TTN: variants seen among roughly 807,000 people sequenced by gnomAD.
The protein encoded by TTN is titin.
A neutral mutation model predicts 3,223.0 loss-of-function variants in TTN; 1,525 were observed. That is an observed-to-expected ratio of 0.47 (90% CI 0.45 to 0.49). The LOEUF is 0.49. TTN is among the 20% of genes least tolerant of loss of function. The probability of loss-of-function intolerance (pLI) is 0.00; values close to 1 mark genes in which losing one functional copy is unlikely to be tolerated. For synonymous variants in TTN, 14,094 were observed against 15,161.0 expected, an observed-to-expected ratio of 0.93 and a Z score of 5.17; for missense variants, 40,786 against 43,424.0, an observed-to-expected ratio of 0.94 and a Z score of 5.40.
chr2:178,639,988 A>C (rs1435327836), intron 222 of TTN, 60 bp downstream of exon 222: 1 of 1,577,330 alleles, frequency 6.3e-7, no homozygotes, highest in East Asian at 2.2e-5. Context: ...TATTAAGTAC[A>C]TGTTATGTGT....
Position 178,634,879 on chromosome 2 carries a change from G to T in TTN, c.42025-30C>A. On this transcript the variant is annotated intron_variant, in intron 228 of 362. Transcript: ENST00000589042. This position sits in a 1 kb window ranked among gnomAD's most constrained non-coding sequence, Gnocchi z 4.6. ...AAAACAATAGTTTTAGTAACCATTT[G>T]AAAGAGATAAATTCCCTATAGGAGA... 5.0e-6 allele frequency: 8 copies of T among 1,594,552 alleles called. No individual in the cohort carries two copies. The highest frequency in any genetic ancestry group is 2.3e-5 in the South Asian group (2 of 86,912).
chr2:178,751,724 T>C (rs1347405774), intron 47 of TTN: 2 of 1,613,220 alleles, frequency 1.2e-6, no homozygotes, highest in Non-Finnish European at 1.7e-6. Context: ...AGAGTGATGG[T>C]GTAAATCACT....
chr2:178,559,672 A>G lies in TTN; in HGVS notation c.86460T>C (p.Ser28820=). Residue 28820 remains serine (S), a synonymous_variant, in exon 326 of 363, where the codon TCT becomes TCC. Transcript: ENST00000589042. ...TCTGAATTGTTAATGTGTACTTTCC[A>G]GAGTCATTTCTGTTGGCATTTTCAA... ...LTIENANRND[S]GKYTLTIQNV... 3 of 1,611,974 alleles carry G rather than the reference A, an allele frequency of 1.9e-6. No homozygotes were observed. The highest frequency in any genetic ancestry group is 1.3e-5 in the African/African-American group (1 of 74,982).
Position 178,538,567 on chromosome 2 carries a change from CA to C in TTN, c.99261del (p.Ala33088LeufsTer4). On this transcript the variant is annotated frameshift_variant, in exon 354 of 363. Coordinates refer to ENST00000589042, the MANE Select transcript of TTN (RefSeq NM_001267550.2). LOFTEE classifies it high-confidence loss of function. Reference sequence around the variant, plus strand: ...GTGAGTTTAGTCTTTATAGACATAGCAGTTCTGCGAGGTCTGCTCAGCCCAG... The same window carrying C: ...GTGAGTTTAGTCTTTATAGACATAGCGTTCTGCGAGGTCTGCTCAGCCCAG... ...NETGLSRPRR[T>X]AMSIKTKLTS... The C allele has an allele frequency of 6.2e-7, 1 of 1,612,896 alleles. No individual in the cohort carries two copies. The highest frequency in any genetic ancestry group is 8.5e-7 in the Non-Finnish European group (1 of 1,179,346).
chr2:178,559,660 T>C lies in TTN; in HGVS notation c.86472A>G (p.Thr28824=), dbSNP rs150043331. Residue 28824 remains threonine (T), a synonymous_variant, in exon 326 of 363, where the codon ACA becomes ACG. Transcript: ENST00000589042. ...NANRNDSGKY[T]LTIQNVLSAA... ...CACTCAAAACATTCTGAATTGTTAA[T>C]GTGTACTTTCCAGAGTCATTTCTGT... 16 of 1,613,220 alleles carry C rather than the reference T, an allele frequency of 9.9e-6. No individual in the cohort carries two copies. Among genetic ancestry groups the C allele is most frequent in the East Asian group, 2.2e-5 (1 of 44,862 alleles).
rs78925437 is a variant in TTN at position 178,738,458 on chromosome 2, A to C, written c.14093-98T>G. 7,043 of 1,395,948 alleles carry C rather than the reference A, an allele frequency of 5.0e-3. 242 individuals carry two copies. In the East Asian group the frequency reaches 0.091, roughly 18 times the overall value. The allele number at this position is 1,395,948 out of a possible 1,614,324, so 86.5% of individuals were successfully genotyped here. A position where few individuals can be genotyped will look rare whatever the true frequency, so the allele number is the denominator to read the frequency against. Reference sequence around the variant, plus strand: ...TTTGTTGCTGTTAATGGAGTAAAACAGTTGAAATTGGTGAGATGGATTACA... The same window carrying C: ...TTTGTTGCTGTTAATGGAGTAAAACCGTTGAAATTGGTGAGATGGATTACA... On this transcript the variant is annotated intron_variant, in intron 48 of 362. Coordinates refer to ENST00000589042, the MANE Select transcript of TTN (RefSeq NM_001267550.2).
rs1321612389 is a variant in TTN at position 178,681,436 on chromosome 2, C to T, written c.33187G>A (p.Val11063Ile). Residue 11063 changes from valine to isoleucine, a missense_variant, in exon 137 of 363, where the codon GTC becomes ATC. By Grantham distance (29) the Val-to-Ile change is conservative. Coordinates refer to ENST00000589042, the MANE Select transcript of TTN (RefSeq NM_001267550.2). The part of the protein sequence containing the change: ...APPAKVLKKA[V>I]PEEKVPVPIP... ...GGCACTGGTACTTTTTCTTCAGGGA[C>T]AGCTTTCTTCAGCACTTCAAAATAT... is the stretch of plus-strand genomic sequence containing the variant. 6.2e-7 allele frequency: 1 copy of T among 1,610,062 alleles called. No homozygotes were observed. Among genetic ancestry groups the T allele is most frequent in the African/African-American group, 1.3e-5 (1 of 74,632 alleles).
At position 178,535,398 on chromosome 2, in the gene TTN, T is replaced by C; in HGVS notation, c.101217A>G (p.Val33739=). 1 of 1,613,964 alleles carries C rather than the reference T, an allele frequency of 6.2e-7. No individual in the cohort carries two copies. Among genetic ancestry groups the C allele is most frequent in the South Asian group, 1.1e-5 (1 of 91,084 alleles). ...TATAACGTGTTTCTCGGGCCTGTCC[T>C]ACACGGAGCCATCTTTCTGCAGTAG... ...CATTAERWLR[V]GQARETRYTV... Residue 33739 remains valine, a synonymous_variant, in exon 358 of 363, where the codon GTA becomes GTG. Transcript: ENST00000589042.
Position 178,684,749 on chromosome 2 carries a change from A to G in TTN, c.32555T>C (p.Val10852Ala), listed in dbSNP as rs755316789. 3 of 1,613,322 alleles carry G rather than the reference A, an allele frequency of 1.9e-6. No homozygotes were observed. The highest frequency in any genetic ancestry group is 3.3e-5 in the Admixed American group (2 of 59,962). The change falls in exon 131 of 363, where the codon GTG (valine) becomes GCG (alanine). Residue 10852 changes from valine to alanine, a missense_variant and splice_region_variant. Val to Ala is a moderately conservative substitution (Grantham distance 64). Transcript: ENST00000589042. ...PKKEKVPPPKVPEEPKKPVPE... is the reference protein window; with the variant it reads ...PKKEKVPPPKAPEEPKKPVPE... Reference sequence around the variant, plus strand: ...AACTGGTTTCTTTGGCTCTTCTGGCACTTAAAAGATACCAGGCAATACCAT... The same window carrying G: ...AACTGGTTTCTTTGGCTCTTCTGGCGCTTAAAAGATACCAGGCAATACCAT...
intron 111 of TTN, among the ~76,000 whole-genome samples, chr2:178,699,947 C>T (rs1242684600): frequency 3.3e-5 from 5 of 151,554 alleles, no homozygotes; most frequent in African/African-American, 1.2e-4. Context: ...GATCTCCTGA[C>T]CTCGTGATCC....
rs770320215 is a variant in TTN at position 178,562,275 on chromosome 2, G to A, written c.83857C>T (p.Pro27953Ser). Reference sequence around the variant, plus strand: ...ATTTCAATATCCCTTGCAATTACTGGCACTCCAAGTTGTCTTGGATCACTT... The same window carrying A: ...ATTTCAATATCCCTTGCAATTACTGACACTCCAAGTTGTCTTGGATCACTT... Reference protein sequence around the residue: ...GRSDPRQLGVPVIARDIEIKP... With the variant: ...GRSDPRQLGVSVIARDIEIKP... The change falls in exon 326 of 363, where the codon CCA becomes TCA. Residue 27953 changes from proline (P) to serine (S), a missense_variant. Transcript: ENST00000589042. The A allele has an allele frequency of 6.2e-7, 1 of 1,613,216 alleles. No individual in the cohort carries two copies. Among genetic ancestry groups the A allele is most frequent in the African/African-American group, 1.3e-5 (1 of 74,860 alleles).
At chr2:178,541,027 G>A (rs1285541321) in intron 350 of TTN, 16 of 324,604 alleles carry the variant, frequency 4.9e-5, no homozygotes, top group African/African-American at 2.1e-5. Context: ...TTAAAGAAGT[G>A]GAAATTGACT....
Position 178,551,665 on chromosome 2 carries a change from T to C in TTN, c.91235A>G (p.Asp30412Gly). The C allele has an allele frequency of 6.2e-7, 1 of 1,601,456 alleles. No individual in the cohort carries two copies. The highest frequency in any genetic ancestry group is 1.3e-5 in the African/African-American group (1 of 74,530). ...ENSAGLSSPS[D>G]PSKFTLAVSP... The stretch of plus-strand genomic sequence containing the variant: ...AACAGCTAAGGTAAATTTGCTTGGG[T>C]CACTAGGTGAGCTTAGGCCAGCAGA... The change falls in exon 335 of 363, where the codon GAC becomes GGC. Residue 30412 changes from aspartate to glycine, a missense_variant. Transcript: ENST00000589042.
rs764591972 is a variant in TTN at position 178,748,118 on chromosome 2, C to T, written c.11311+5006G>A. 2 of 1,613,088 alleles carry T rather than the reference C, an allele frequency of 1.2e-6. No individual in the cohort carries two copies. Among genetic ancestry groups the T allele is most frequent in the African/African-American group, 1.3e-5 (1 of 74,868 alleles). ...TGCTTTTTTCAAATGTGAGATGGAA[C>T]TTCTGCCTCCATTTTCTAGAGGACA... On this transcript the variant is annotated intron_variant, in intron 47 of 362. Coordinates refer to ENST00000589042, the MANE Select transcript of TTN (RefSeq NM_001267550.2).
Position 178,757,554 on chromosome 2 carries a change from CTG to C in TTN, c.10664_10665del (p.Thr3555SerfsTer10), listed in dbSNP as rs767462648. 3 of 1,574,610 alleles carry C rather than the reference CTG, an allele frequency of 1.9e-6. No individual in the cohort carries two copies. Among genetic ancestry groups the C allele is most frequent in the Non-Finnish European group, 2.6e-6 (3 of 1,157,748 alleles). On this transcript the variant is annotated frameshift_variant, in exon 45 of 363. Coordinates refer to ENST00000589042, the MANE Select transcript of TTN (RefSeq NM_001267550.2). LOFTEE classifies it high-confidence loss of function. The part of the protein sequence containing the change: ...AGEATCAATL[T>X]VTPKVQALDR... The stretch of plus-strand genomic sequence containing the variant: ...AGATGGGCTTTACCTTTTGGAGTCA[CTG>C]TGAGTGTAGCTGCACAAGTGGCTTC...
At position 178,598,769 on chromosome 2, in the gene TTN, C is replaced by T. The variant is rs760651904; in HGVS notation, c.56941G>A (p.Ala18981Thr). The stretch of plus-strand genomic sequence containing the variant: ...TTACCAATTGGATCTCTAGCAGTCG[C>T]TGGGTCTGATGGCAGACTTGCTGGA... ...VGPASLPSDP[A>T]TARDPIAPPG... The change falls in exon 291 of 363, where the codon GCG becomes ACG. Residue 18981 changes from alanine (A) to threonine (T), a missense_variant. By Grantham distance (58) the Ala-to-Thr change is moderately conservative. Transcript: ENST00000589042. The T allele has an allele frequency of 3.1e-6, 5 of 1,613,128 alleles. No homozygotes were observed. Among genetic ancestry groups the T allele is most frequent in the Admixed American group, 1.7e-5 (1 of 59,940 alleles).
chr2:178,576,148 C>G lies in TTN; in HGVS notation c.69984G>C (p.Ala23328=), dbSNP rs56052239. Reference sequence around the variant, plus strand: ...CTACGATTTCAACATCTGGAATCACCGCTGGCTCCCCAACACCTGCATCGT... The same window carrying G: ...CTACGATTTCAACATCTGGAATCACGGCTGGCTCCCCAACACCTGCATCGT... ...AINDAGVGEP[A]VIPDVEIVER... The change falls in exon 326 of 363, where the codon GCG becomes GCC. Residue 23328 remains alanine, a synonymous_variant. Transcript: ENST00000589042. This position sits in a 1 kb window ranked among gnomAD's most constrained non-coding sequence, Gnocchi z 4.3. 6.2e-7 allele frequency: 1 copy of G among 1,613,120 alleles called. No homozygotes were observed. The highest frequency in any genetic ancestry group is 1.3e-5 in the African/African-American group (1 of 74,882).
chr2:178,548,129 G>T lies in TTN; in HGVS notation c.93497C>A (p.Thr31166Asn), dbSNP rs767243521. ...GSDFWVEAGH[T>N]KQLTFTVERL... ...CTCTACTGTGAAAGTTAGCTGTTTGGTGTGACCAGCTTCAACCCAGAAGTC... is the reference window on the plus strand; with the variant it reads ...CTCTACTGTGAAAGTTAGCTGTTTGTTGTGACCAGCTTCAACCCAGAAGTC... The change falls in exon 339 of 363, where the codon ACC (threonine) becomes AAC (asparagine). Residue 31166 changes from threonine to asparagine, a missense_variant. Physicochemically the swap from Thr to Asn is moderately conservative, Grantham distance 65. Transcript: ENST00000589042. This position sits in a 1 kb window ranked among gnomAD's most constrained non-coding sequence, Gnocchi z 4.3. 1.9e-6 allele frequency: 3 copies of T among 1,613,844 alleles called. No homozygotes were observed. The highest frequency in any genetic ancestry group is 2.2e-5 in the South Asian group (2 of 91,072).
At position 178,666,908 on chromosome 2, in the gene TTN, A is replaced by C. The variant is rs776907920; in HGVS notation, c.35798-7T>G. Reference sequence around the variant, plus strand: ...TCCTTGAAGACTTCAAACTCTTTAAAGATATTAGTATTTTTTTTAATTGAG... The same window carrying C: ...TCCTTGAAGACTTCAAACTCTTTAACGATATTAGTATTTTTTTTAATTGAG... On this transcript the variant is annotated splice_polypyrimidine_tract_variant and splice_region_variant and intron_variant, in intron 162 of 362. Transcript: ENST00000589042. The C allele has an allele frequency of 1.3e-6, 2 of 1,529,864 alleles. No homozygotes were observed. The highest frequency in any genetic ancestry group is 1.8e-6 in the Non-Finnish European group (2 of 1,141,022). 94.8% of individuals were successfully genotyped at this position (1,529,864 alleles called of 1,614,324 possible).
Sources: gnomAD v4.1 joint callset for allele counts (sites outside exome capture counted in the v4.1 genomes callset) on GRCh38, gnomAD v4.1.1 for gene constraint, Gnocchi (gnomAD v3.1) non-coding constraint, MANE v1.5 for transcripts, NCBI Gene and HGNC (gene_info 2026-07-23, HGNC 2026-07-21) for gene names.